The following TMCC2 variants were observed in gnomAD, a reference collection of about 807,000 sequenced individuals.
TMCC2 encodes transmembrane and coiled-coil domains protein 2.
In TMCC2, 16 loss-of-function variants were observed where a neutral mutation model predicts 49.4. The observed-to-expected ratio is 0.32, with a 90% confidence interval of 0.22 to 0.49. The LOEUF (loss-of-function observed/expected upper bound fraction) is 0.49, where lower values mean the gene tolerates loss of function less well. Ranked by LOEUF, TMCC2 falls within the 20% of genes least tolerant of loss-of-function variation. The pLI is 0.99. For missense variants in TMCC2, 762 were observed against 989.8 expected (o/e 0.77, Z 3.09); for synonymous variants, 397 against 434.1 (o/e 0.91, Z 1.06).
At chr1:205,269,911 A>T in intron 3 of TMCC2, 27 bp downstream of exon 3, 1 of 1,593,604 alleles carries the variant, frequency 6.3e-7, no homozygotes, top group Non-Finnish European at 8.6e-7. Context: ...CCCCTCCTGC[A>T]GCCCAGCCGG....
chr1:205,235,543 CAGT>C (rs1403946344), intron 1 of TMCC2, among the ~76,000 whole-genome samples: 2 of 152,172 alleles, frequency 1.3e-5, no homozygotes, highest in Admixed American at 1.3e-4. Flanking sequence ...GGCAGCTTCT[CAGT>C]GGTGGTCTTA....
intron 2 of TMCC2, among the ~76,000 whole-genome samples, chr1:205,255,832 G>A (rs752740721): frequency 6.6e-5 from 10 of 152,128 alleles, no homozygotes; most frequent in African/African-American, 9.7e-5. Context: ...TGCTTGGTGC[G>A]AAAATATAAA....
intron 2 of TMCC2, 117 bp downstream of exon 2, chr1:205,242,161 C>A: frequency 8.7e-7 from 1 of 1,154,952 alleles, no homozygotes; most frequent in Non-Finnish European, 1.2e-6. Context: ...GACACCCCAC[C>A]GTCTGCAGAG....
rs1489611501 is a variant in TMCC2, at chr1:205,241,531, C to T, written c.234C>T (p.Ser78=). ...LKKIQQLSEG[S]MFGHGLKHLF... ...AAATCCAGCAGCTGTCAGAGGGCTC[C>T]ATGTTTGGCCACGGTCTGAAGCACC... is the stretch of plus-strand genomic sequence containing the variant. Residue 78 remains serine, a synonymous_variant, in exon 2 of 5, where the codon TCC becomes TCT. Transcript: ENST00000358024. This position sits in a 1 kb window ranked among gnomAD's most constrained non-coding sequence, Gnocchi z 7.3. 1.2e-6 allele frequency: 2 copies of T among 1,613,812 alleles called. No individual in the cohort carries two copies. Among genetic ancestry groups the T allele is most frequent in the Admixed American group, 1.7e-5 (1 of 60,020 alleles).
intron 2 of TMCC2, 86 bp downstream of exon 2, chr1:205,242,130 G>A (rs1488535660): frequency 2.8e-6 from 4 of 1,428,304 alleles, no homozygotes; most frequent in Non-Finnish European, 3.7e-6. Context: ...GCTGAGCCAG[G>A]GGCCCTCCCT....
chr1:205,242,687 T>G (rs1008947818), intron 2 of TMCC2, among the ~76,000 whole-genome samples: 1 of 152,174 alleles, frequency 6.6e-6, no homozygotes, highest in African/African-American at 2.4e-5. Flanking sequence ...TTGCTGTCCT[T>G]GTGGAGCTCA....
At chr1:205,230,716 T>C (rs11240393) in intron 1 of TMCC2, among the ~76,000 whole-genome samples, 26,460 of 152,064 alleles carry the variant, frequency 0.17, 3,118 homozygotes, top group East Asian at 0.45. Context: ...ATTCCCCCAG[T>C]TGCCTTCATG....
Position 205,271,807 on chromosome 1 carries a change from CT to C in TMCC2, c.1819-5del. ...CGCACACATGCCAGCCCCTCTGCCCCTGCAGGAGGCCGTGGAGTCCTGCCTG... is the reference window on the plus strand; with the variant it reads ...CGCACACATGCCAGCCCCTCTGCCCCGCAGGAGGCCGTGGAGTCCTGCCTG... On this transcript the variant is annotated splice_region_variant and splice_polypyrimidine_tract_variant and intron_variant, in intron 4 of 4. Transcript: ENST00000358024. 6.2e-7 allele frequency: 1 copy of C among 1,607,484 alleles called. No individual in the cohort carries two copies.
Position 205,228,412 on chromosome 1 carries a change from A to ATT in TMCC2, c.-144_-143dup. On this transcript the variant is annotated 5_prime_UTR_variant, in exon 1 of 5. Coordinates refer to ENST00000358024, the MANE Select transcript of TMCC2 (RefSeq NM_014858.4). ...GCCCCTCCCTCACCCGCCTTTAAGA[A>ATT]TTTTTTTTTTAATTCAAGAAATTGT... 2 of 578,860 alleles carry ATT rather than the reference A, an allele frequency of 3.5e-6. No homozygotes were observed. Among genetic ancestry groups the ATT allele is most frequent in the Non-Finnish European group, 5.8e-6 (2 of 347,110 alleles). The allele number at this position is 578,860 out of a possible 1,614,324, so 35.9% of individuals were successfully genotyped here. A position where few individuals can be genotyped will look rare whatever the true frequency, so the allele number is the denominator to read the frequency against.
At chr1:205,243,209 C>T (rs1660336250) in intron 2 of TMCC2, among the ~76,000 whole-genome samples, 1 of 152,120 alleles carries the variant, frequency 6.6e-6, no homozygotes, top group South Asian at 2.1e-4. Context: ...CATGGTGAAA[C>T]CCCGTCCCTA....
At chr1:205,250,152 G>C (rs1217000362) in intron 2 of TMCC2, among the ~76,000 whole-genome samples, 1 of 152,194 alleles carries the variant, frequency 6.6e-6, no homozygotes, top group Non-Finnish European at 1.5e-5. Flanking sequence ...GCGTCCTCTT[G>C]ACTTTTCAGA....
intron 1 of TMCC2, chr1:205,233,778 TG>T (rs1261334050): frequency 6.6e-6 from 1 of 151,924 alleles, no homozygotes; most frequent in African/African-American, 2.4e-5. Flanking sequence ...AGCACCTGCT[TG>T]TTTTCTATTT....
At chr1:205,230,441 C>T (rs1051011345) in intron 1 of TMCC2, among the ~76,000 whole-genome samples, 2 of 152,138 alleles carry the variant, frequency 1.3e-5, no homozygotes, top group Non-Finnish European at 2.9e-5. Context: ...GCTGTCACCC[C>T]CGAGTCCATC....
chr1:205,243,167 T>C (rs1300936431), intron 2 of TMCC2, among the ~76,000 whole-genome samples: 1 of 152,136 alleles, frequency 6.6e-6, no homozygotes, highest in Non-Finnish European at 1.5e-5. Context: ...GTGGATCACT[T>C]GAGGGCAGGA....
At chr1:205,271,672 G>A in intron 4 of TMCC2, 141 bp from the exon 5 acceptor site, 6 of 1,073,868 alleles carry the variant, frequency 5.6e-6, no homozygotes, top group Non-Finnish European at 7.8e-6. Flanking sequence ...GACCCCAGTT[G>A]CAGCTGGTCA....
chr1:205,234,275 C>G (rs1367593899), intron 1 of TMCC2: 1 of 152,152 alleles, frequency 6.6e-6, no homozygotes, highest in Non-Finnish European at 1.5e-5. Context: ...GAAACCCCAT[C>G]TCTACCAAAA....
chr1:205,238,946 T>G (rs533462021), intron 1 of TMCC2, among the ~76,000 whole-genome samples: 1 of 152,298 alleles, frequency 6.6e-6, no homozygotes, highest in African/African-American at 2.4e-5. Flanking sequence ...AATGCTGTTG[T>G]ATAAATTTTA....
chr1:205,254,057 C>G (rs1179766066), intron 2 of TMCC2, among the ~76,000 whole-genome samples: 3 of 152,216 alleles, frequency 2.0e-5, no homozygotes, highest in African/African-American at 7.2e-5. Context: ...CCAAGGCCGC[C>G]TCGTCCAAGC....
intron 2 of TMCC2, chr1:205,257,232 G>A: frequency 2.4e-6 from 3 of 1,232,404 alleles, no homozygotes; most frequent in Non-Finnish European, 3.0e-6. Context: ...TGGGAACTCA[G>A]GCACACCTGC....
Sources: gnomAD v4.1 joint callset for allele counts (sites outside exome capture counted in the v4.1 genomes callset) on GRCh38, gnomAD v4.1.1 for gene constraint, Gnocchi (gnomAD v3.1) non-coding constraint, MANE v1.5 for transcripts, NCBI Gene and HGNC (gene_info 2026-07-23, HGNC 2026-07-21) for gene names.